Variants in SOS1 observed in about 807,000 individuals in gnomAD.
SOS1 encodes the protein SOS Ras/Rac guanine nucleotide exchange factor 1, also known as son of sevenless homolog 1.
SOS1 carries 25 observed loss-of-function variants against 157.6 expected under a neutral mutation model. The ratio of observed to expected loss-of-function variants is 0.16; its 90% CI spans 0.12 to 0.22. SOS1 has a LOEUF of 0.22. Ranked by LOEUF, SOS1 falls within the 10% of genes least tolerant of loss-of-function variation. The pLI, the probability that SOS1 is intolerant of heterozygous loss-of-function variation, is 1.00. For missense variants in SOS1, 1,237 were observed against 1,599.1 expected, an observed-to-expected ratio of 0.77 and a Z score of 3.86; for synonymous variants, 528 against 534.0, an observed-to-expected ratio of 0.99 and a Z score of 0.16.
In SOS1 at chr2:39,056,731, C is replaced by G; in HGVS notation, c.481G>C (p.Asp161His). 6.2e-7 allele frequency: 1 copy of G among 1,608,520 alleles called. No individual in the cohort carries two copies. Among genetic ancestry groups the G allele is most frequent in the Non-Finnish European group, 8.5e-7 (1 of 1,175,072 alleles). The change falls in exon 4 of 23, where the codon GAT becomes CAT. Residue 161 changes from aspartate (D) to histidine (H), a missense_variant. Physicochemically the swap from Asp to His is moderately conservative, Grantham distance 81. This residue lies in a region of SOS1 where 17 missense variants were observed against 52.7 expected (regional missense o/e 0.32). Coordinates refer to ENST00000402219, the MANE Select transcript of SOS1 (RefSeq NM_005633.4). ...NIRHYEITKQ[D>H]IKVAMCADKV... ...TCAGCACACATTGCCACTTTAATATCTTGTTTTGTAATTTCATAATGCCGT... is the reference window on the plus strand; with the variant it reads ...TCAGCACACATTGCCACTTTAATATGTTGTTTTGTAATTTCATAATGCCGT...
intron 1 of SOS1, among the ~76,000 whole-genome samples, chr2:39,069,930 A>T (rs1269220403): frequency 6.6e-6 from 1 of 152,192 alleles, no homozygotes; most frequent in Non-Finnish European, 1.5e-5. Context: ...ACTTTTGATC[A>T]TATTGACTAC....
intron 1 of SOS1, among the ~76,000 whole-genome samples, chr2:39,086,327 G>A (rs868815765): frequency 7.2e-5 from 11 of 152,298 alleles, no homozygotes; most frequent in African/African-American, 2.4e-4. Context: ...GAGTTAGGTA[G>A]GGCCCAGATC....
intron 1 of SOS1, among the ~76,000 whole-genome samples, chr2:39,114,730 G>A (rs1397162991): frequency 1.3e-5 from 2 of 151,802 alleles, no homozygotes; most frequent in Admixed American, 6.6e-5. Flanking sequence ...CCGAGTAGCT[G>A]GGATTACAGG....
intron 20 of SOS1, among the ~76,000 whole-genome samples, chr2:38,991,830 G>A (rs767252805): frequency 6.6e-6 from 1 of 151,128 alleles, no homozygotes; most frequent in Non-Finnish European, 1.5e-5. Context: ...CAGTGAAGAC[G>A]TGTAAGTGTT....
intron 3 of SOS1, among the ~76,000 whole-genome samples, chr2:39,057,926 A>T (rs547559876): frequency 6.6e-6 from 1 of 152,168 alleles, no homozygotes; most frequent in Admixed American, 6.5e-5. Flanking sequence ...AACTTGGCAT[A>T]GAAGTTACTT....
At chr2:39,042,901 T>G (rs932000940) in intron 6 of SOS1, among the ~76,000 whole-genome samples, 1 of 152,078 alleles carries the variant, frequency 6.6e-6, no homozygotes, top group Admixed American at 6.5e-5. Flanking sequence ...ATAGCTATAA[T>G]GAACTTGCCA....
chr2:39,061,267 A>G (rs984500888), intron 2 of SOS1, among the ~76,000 whole-genome samples: 2 of 151,756 alleles, frequency 1.3e-5, no homozygotes, highest in Admixed American at 6.6e-5. Context: ...AAAAAAAAAA[A>G]AAAGGTGTTT....
intron 1 of SOS1, among the ~76,000 whole-genome samples, chr2:39,108,001 T>C (rs1010023444): frequency 2.0e-5 from 3 of 152,168 alleles, no homozygotes; most frequent in Non-Finnish European, 4.4e-5. Flanking sequence ...CACAGCCCTC[T>C]AATCTCTAGA....
intron 2 of SOS1, among the ~76,000 whole-genome samples, chr2:39,067,005 T>A (rs1453451457): frequency 6.6e-6 from 1 of 152,176 alleles, no homozygotes; most frequent in East Asian, 1.9e-4. Flanking sequence ...AGGTTGATTA[T>A]CCCTAATCCA....
Position 38,997,261 on chromosome 2 carries a change from C to G in SOS1, c.2956G>C (p.Asp986His), listed in dbSNP as rs1204444296. Residue 986 changes from aspartate to histidine, a missense_variant, in exon 18 of 23, where the codon GAT becomes CAT. Transcript: ENST00000402219. ...TAAATAATTCAACTTACTTTGATAT[C>G]TGATTCTACTCGTAAACAGTAAGGC... The part of the protein sequence containing the change: ...NQPYCLRVES[D>H]IKRFFENLNP... 1.2e-6 allele frequency: 2 copies of G among 1,606,930 alleles called. No individual in the cohort carries two copies. The highest frequency in any genetic ancestry group is 1.7e-6 in the Non-Finnish European group (2 of 1,174,358).
intron 2 of SOS1, among the ~76,000 whole-genome samples, chr2:39,062,434 T>A (rs13393485): frequency 0.03 from 516 of 16,986 alleles, no homozygotes; most frequent in South Asian, 0.051. Context: ...AAAAAAAAAA[T>A]TAAAAAAAAA....
chr2:39,060,264 C>T (rs1671354031), intron 2 of SOS1, among the ~76,000 whole-genome samples: 1 of 152,218 alleles, frequency 6.6e-6, no homozygotes, highest in African/African-American at 2.4e-5. Context: ...CTGTGGCTTT[C>T]CAACATTTTT....
chr2:38,997,319 T>A lies in SOS1; in HGVS notation c.2898A>T (p.Glu966Asp). 6.2e-7 allele frequency: 1 copy of A among 1,613,136 alleles called. No individual in the cohort carries two copies. The highest frequency in any genetic ancestry group is 8.5e-7 in the Non-Finnish European group (1 of 1,179,290). Residue 966 changes from glutamate to aspartate, a missense_variant, in exon 18 of 23, where the codon GAA (glutamate) becomes GAT (aspartate). Glu to Asp is a conservative substitution (Grantham distance 45, BLOSUM62 2). Coordinates refer to ENST00000402219, the MANE Select transcript of SOS1 (RefSeq NM_005633.4). ...GGTACTGCTGGATCTCTCCTGTTAT[T>A]TCTGCTACTTTCCTCCTTTTGCTAA... The part of the protein sequence containing the change: ...INFSKRRKVA[E>D]ITGEIQQYQN...
rs1258457213 is a variant in SOS1, at chr2:38,981,970, TCTTA to T, written c.*3850_*3853del. The T allele has an allele frequency of 3.3e-5, 5 of 152,128 alleles. No individual in the cohort carries two copies. Among genetic ancestry groups the T allele is most frequent in the African/African-American group, 1.2e-4 (5 of 41,432 alleles). The allele number at this position is 152,128 out of a possible 1,614,324, so 9.4% of individuals were successfully genotyped here. A position where few individuals can be genotyped will look rare whatever the true frequency, so the allele number is the denominator to read the frequency against. ...ATCTGAAGAAAAAAATTAGAGATGT[TCTTA>T]ATTAAAGGCACATTTGGCAGCTACT... On this transcript the variant is annotated 3_prime_UTR_variant, in exon 23 of 23. Coordinates refer to ENST00000402219, the MANE Select transcript of SOS1 (RefSeq NM_005633.4).
intron 1 of SOS1, among the ~76,000 whole-genome samples, chr2:39,095,457 C>T (rs1672738564): frequency 6.6e-6 from 1 of 152,136 alleles, no homozygotes; most frequent in Non-Finnish European, 1.5e-5. Flanking sequence ...TAAGGTAAGG[C>T]ATATTTCCTA....
At chr2:39,089,247 G>A (rs6735371) in intron 1 of SOS1, among the ~76,000 whole-genome samples, 5,423 of 152,252 alleles carry the variant, frequency 0.036, 304 homozygotes, top group African/African-American at 0.11. Flanking sequence ...AACCTGGCCC[G>A]GCACAGTGGC....
In SOS1 at chr2:39,114,455, C is replaced by A. The variant is rs376027501; in HGVS notation, c.87+5881G>T. Among the ~76,000 whole-genome samples, 43 of 152,232 alleles carry A rather than the reference C, an allele frequency of 2.8e-4. 1 individual carries two copies. The South Asian group carries it at 8.9e-3, about 32-fold the overall frequency. ...AGTAGCTAGGATTACAGGCATGCGC[C>A]ACCACGCCCAGCTAATTTTGTATTT... On this transcript the variant is annotated intron_variant, in intron 1 of 22. Transcript: ENST00000402219.
chr2:38,993,843 T>C (rs1668810080), intron 20 of SOS1: 1 of 152,150 alleles, frequency 6.6e-6, no homozygotes, highest in Admixed American at 6.5e-5. Context: ...CGAGCTAAGA[T>C]AGCCAACGGT....
intron 20 of SOS1, among the ~76,000 whole-genome samples, chr2:38,989,731 ATT>A (rs1668673604): frequency 6.6e-6 from 1 of 152,196 alleles, no homozygotes; most frequent in Non-Finnish European, 1.5e-5. Flanking sequence ...AAAGTTACTA[ATT>A]ATATGTCTTT....
Sources: allele counts gnomAD v4.1 joint callset (sites outside exome capture counted in the v4.1 genomes callset), GRCh38; gene constraint gnomAD v4.1.1; regional missense constraint gnomAD v4.1.1; transcripts MANE v1.5; gene names NCBI Gene and HGNC (gene_info 2026-07-23, HGNC 2026-07-21).